The following CNTN4 variants were observed in gnomAD, a reference collection of about 807,000 sequenced individuals.
CNTN4 encodes contactin-4.
CNTN4 carries 77 observed loss-of-function variants against 122.5 expected under a neutral mutation model. That is an observed-to-expected ratio of 0.63 (90% CI 0.52 to 0.76). The LOEUF is 0.76. Ranked by LOEUF, CNTN4 falls within the 30% of genes least tolerant of loss-of-function variation. The pLI is 0.00. For synonymous variants in CNTN4, 512 were observed against 447.0 expected, an observed-to-expected ratio of 1.15 and a Z score of -1.83; for missense variants, 1,256 against 1,259.1, an observed-to-expected ratio of 1.00 and a Z score of 0.04.
At chr3:2,793,525 G>T (rs1249469938) in intron 6 of CNTN4, among the ~76,000 whole-genome samples, 2 of 151,936 alleles carry the variant, frequency 1.3e-5, no homozygotes, top group African/African-American at 2.4e-5. Context: ...ACGTGGTTTT[G>T]GTTTAATGAA....
chr3:2,991,484 A>G (rs1220066517), intron 14 of CNTN4, among the ~76,000 whole-genome samples: 2 of 152,044 alleles, frequency 1.3e-5, no homozygotes, highest in Non-Finnish European at 2.9e-5. Flanking sequence ...TATTTGGCCA[A>G]TATGTTCTCA....
chr3:2,241,152 T>C (rs1390752075), intron 2 of CNTN4, among the ~76,000 whole-genome samples: 1 of 152,178 alleles, frequency 6.6e-6, no homozygotes, highest in Non-Finnish European at 1.5e-5. Context: ...TGGATATTTA[T>C]TGTTTGTTAC....
chr3:2,929,038 A>G (rs1037074742), intron 13 of CNTN4, among the ~76,000 whole-genome samples: 1 of 152,250 alleles, frequency 6.6e-6, no homozygotes, highest in African/African-American at 2.4e-5. Flanking sequence ...TAATCCAAGC[A>G]TCTAAATGAA....
intron 3 of CNTN4, among the ~76,000 whole-genome samples, chr3:2,368,918 C>G (rs1575478615): frequency 6.6e-6 from 1 of 152,024 alleles, no homozygotes; most frequent in Non-Finnish European, 1.5e-5. Flanking sequence ...AGAAACATGT[C>G]CATAAAAATT....
At chr3:3,031,108 G>A in intron 16 of CNTN4, 133 bp downstream of exon 16, 1 of 1,174,368 alleles carries the variant, frequency 8.5e-7, no homozygotes, top group Non-Finnish European at 1.3e-6. Flanking sequence ...GTAAACAGTG[G>A]CTAACAGTCC....
chr3:2,498,671 G>A (rs1559609488), intron 3 of CNTN4, among the ~76,000 whole-genome samples: 1 of 151,966 alleles, frequency 6.6e-6, no homozygotes, highest in Non-Finnish European at 1.5e-5. Flanking sequence ...TTGTAGACAC[G>A]GGGTCTTACC....
At chr3:2,996,452 C>T (rs879662794) in intron 14 of CNTN4, among the ~76,000 whole-genome samples, 5 of 152,086 alleles carry the variant, frequency 3.3e-5, no homozygotes, top group Non-Finnish European at 7.4e-5. Context: ...TAACCCATCC[C>T]ATACAAATAA....
chr3:2,496,617 A>G (rs911487814), intron 3 of CNTN4, among the ~76,000 whole-genome samples: 1 of 152,104 alleles, frequency 6.6e-6, no homozygotes, highest in Non-Finnish European at 1.5e-5. Context: ...GCAGAACAGA[A>G]GGCACCATTT....
chr3:2,737,169 C>G (rs1196024179), intron 5 of CNTN4, among the ~76,000 whole-genome samples: 1 of 152,074 alleles, frequency 6.6e-6, no homozygotes, highest in Non-Finnish European at 1.5e-5. Context: ...CAACCTCCCC[C>G]TCCCGGGTTA....
chr3:2,940,582 C>T (rs1227096837), intron 13 of CNTN4, among the ~76,000 whole-genome samples: 1 of 151,656 alleles, frequency 6.6e-6, no homozygotes, highest in East Asian at 1.9e-4. Flanking sequence ...CACACTGTGT[C>T]GAAGAAGGAG....
rs188908394 is a variant in CNTN4, at chr3:2,254,322, G to A, written c.-144-84856G>A. Among the ~76,000 whole-genome samples the A allele has an allele frequency of 1.0e-3, 153 of 152,190 alleles. 1 individual carries two copies. The highest frequency in any genetic ancestry group is 3.7e-3 in the African/African-American group (153 of 41,510). ...GCATACGGGTTGGTTCCAAGTCTTT[G>A]TTATTGTGAACAGTGCTGCAGTAAA... On this transcript the variant is annotated intron_variant, in intron 2 of 24. Transcript: ENST00000418658.
At chr3:2,469,265 G>A (rs901709688) in intron 3 of CNTN4, among the ~76,000 whole-genome samples, 2 of 152,152 alleles carry the variant, frequency 1.3e-5, no homozygotes, top group South Asian at 4.2e-4. Context: ...CTTAAGTATG[G>A]CAATTATTTC....
At chr3:2,781,965 C>T (rs11706472) in intron 6 of CNTN4, among the ~76,000 whole-genome samples, 11,068 of 149,754 alleles carry the variant, frequency 0.074, 512 homozygotes, top group Non-Finnish European at 0.1. Flanking sequence ...CCTCGTGATC[C>T]CCCCGCCTCG....
intron 2 of CNTN4, among the ~76,000 whole-genome samples, chr3:2,256,733 G>A (rs1021383429): frequency 6.6e-6 from 1 of 152,108 alleles, no homozygotes; most frequent in Admixed American, 6.6e-5. Context: ...AACTTAAAAG[G>A]GATGTGAAGG....
chr3:2,531,061 A>T (rs1204820537), intron 3 of CNTN4, among the ~76,000 whole-genome samples: 1 of 152,196 alleles, frequency 6.6e-6, no homozygotes, highest in Non-Finnish European at 1.5e-5. Flanking sequence ...ACAGACATCC[A>T]AAAATGAATG....
chr3:2,960,614 C>T (rs572546394), intron 13 of CNTN4, among the ~76,000 whole-genome samples: 6 of 152,200 alleles, frequency 3.9e-5, no homozygotes, highest in African/African-American at 9.6e-5. Flanking sequence ...AAAGAGAAAT[C>T]GGCAAGCTGT....
At chr3:3,025,075 T>G (rs1698615978) in intron 14 of CNTN4, among the ~76,000 whole-genome samples, 1 of 152,180 alleles carries the variant, frequency 6.6e-6, no homozygotes, top group Non-Finnish European at 1.5e-5. Context: ...GCCTTTACAT[T>G]GAATTCAAAC....
chr3:2,679,409 C>T (rs1576436956), intron 4 of CNTN4, among the ~76,000 whole-genome samples: 1 of 152,058 alleles, frequency 6.6e-6, no homozygotes, highest in Non-Finnish European at 1.5e-5. Flanking sequence ...AAGTAGGAAG[C>T]TCATTTTTTC....
chr3:2,385,798 G>T lies in CNTN4; in HGVS notation c.-89+46565G>T, dbSNP rs2046231132. On this transcript the variant is annotated intron_variant, in intron 3 of 24. Transcript: ENST00000418658. The surrounding 1 kb of genome is among the most constrained non-coding windows in gnomAD (Gnocchi z 4.0). Reference sequence around the variant, plus strand: ...AACTCATCTTAACTTGGTTACATTTGCAAAGACCCTGCTTCCAAATAAGGT... The same window carrying T: ...AACTCATCTTAACTTGGTTACATTTTCAAAGACCCTGCTTCCAAATAAGGT... Among the ~76,000 whole-genome samples the T allele has an allele frequency of 6.6e-6, 1 of 151,894 alleles. No homozygotes were observed. Among genetic ancestry groups the T allele is most frequent in the African/African-American group, 2.4e-5 (1 of 41,370 alleles).
Sources: allele counts gnomAD v4.1 joint callset (sites outside exome capture counted in the v4.1 genomes callset), GRCh38; gene constraint gnomAD v4.1.1; non-coding constraint Gnocchi (gnomAD v3.1); transcripts MANE v1.5; gene names NCBI Gene and HGNC (gene_info 2026-07-23, HGNC 2026-07-21).